The following SACM1L variants were observed in gnomAD, a reference collection of about 807,000 sequenced individuals.
SACM1L encodes the protein phosphatidylinositol-3-phosphatase SAC1.
Under a neutral mutation model 89.5 loss-of-function variants are expected in SACM1L, and 32 were observed. That is an observed-to-expected ratio of 0.36 (90% CI 0.27 to 0.48). SACM1L has a LOEUF of 0.48. Ranked by LOEUF, SACM1L falls within the 20% of genes least tolerant of loss-of-function variation. The probability of loss-of-function intolerance (pLI) is 0.99; values close to 1 mark genes in which losing one functional copy is unlikely to be tolerated. For synonymous variants in SACM1L, 213 were observed against 232.8 expected (o/e 0.92, Z 0.77); for missense variants, 543 against 708.5 (o/e 0.77, Z 2.65).
intron 6 of SACM1L, chr3:45,713,467 A>C (rs948877366): frequency 1.6e-5 from 4 of 244,126 alleles, no homozygotes; most frequent in African/African-American, 9.0e-5. Flanking sequence ...TGGTACATGG[A>C]TAATGGAGAA....
At chr3:45,715,408 A>G (rs1698627984) in intron 7 of SACM1L, among the ~76,000 whole-genome samples, 1 of 152,242 alleles carries the variant, frequency 6.6e-6, no homozygotes, top group Non-Finnish European at 1.5e-5. Flanking sequence ...AGAAAATTTC[A>G]TGATAAAAGC....
Position 45,722,887 on chromosome 3 carries a change from G to C in SACM1L, c.784G>C (p.Val262Leu). 6.2e-7 allele frequency: 1 copy of C among 1,613,072 alleles called. No individual in the cohort carries two copies. Among genetic ancestry groups the C allele is most frequent in the Non-Finnish European group, 8.5e-7 (1 of 1,179,364 alleles). The change falls in exon 10 of 20, where the codon GTT becomes CTT. Residue 262 changes from valine (V) to leucine (L), a missense_variant. Physicochemically the swap from Val to Leu is conservative, Grantham distance 32. Around this residue, in one of 2 missense-constraint regions of SACM1L, gnomAD observed 370 missense variants for 527.6 expected, o/e 0.70. Transcript: ENST00000389061. ...CTTTTAGACTCGAGGATCAATACCT[G>C]TTTTCTGGTCCCAAAGACCAAACCT... is the stretch of plus-strand genomic sequence containing the variant. ...SFVQTRGSIP[V>L]FWSQRPNLKY...
chr3:45,727,964 C>T (rs929625359), intron 11 of SACM1L, among the ~76,000 whole-genome samples: 3 of 152,184 alleles, frequency 2.0e-5, no homozygotes, highest in East Asian at 1.9e-4. Context: ...TATTTTCAGG[C>T]GGTCATGGTT....
intron 11 of SACM1L, among the ~76,000 whole-genome samples, chr3:45,725,102 T>G (rs748682486): frequency 6.6e-6 from 1 of 152,194 alleles, no homozygotes; most frequent in Non-Finnish European, 1.5e-5. Context: ...TGTAATAAGT[T>G]TTAAAATCGG....
chr3:45,721,937 G>C, intron 8 of SACM1L, 63 bp from the exon 9 acceptor site: 1 of 1,062,926 alleles, frequency 9.4e-7, no homozygotes, highest in Non-Finnish European at 1.4e-6. Flanking sequence ...CTGAATTAGT[G>C]GGTTTCTGAT....
intron 1 of SACM1L, among the ~76,000 whole-genome samples, chr3:45,693,918 C>T (rs1698062503): frequency 6.6e-6 from 1 of 152,116 alleles, no homozygotes; most frequent in Non-Finnish European, 1.5e-5. Context: ...TAATGTCAGA[C>T]AGTGATAAAT....
intron 19 of SACM1L, among the ~76,000 whole-genome samples, chr3:45,741,849 A>T (rs1195852979): frequency 1.3e-5 from 2 of 152,214 alleles, no homozygotes; most frequent in Admixed American, 6.5e-5. Flanking sequence ...CTTACAATAC[A>T]AAAACAGGTT....
At chr3:45,704,119 C>G (rs763048797) in intron 2 of SACM1L, among the ~76,000 whole-genome samples, 26 of 152,080 alleles carry the variant, frequency 1.7e-4, no homozygotes, top group Non-Finnish European at 3.7e-4. Flanking sequence ...GTGGAACACC[C>G]TGACTTTCCA....
chr3:45,726,506 TTC>T (rs1698920703), intron 11 of SACM1L, among the ~76,000 whole-genome samples: 1 of 152,142 alleles, frequency 6.6e-6, no homozygotes, highest in African/African-American at 2.4e-5. Flanking sequence ...CATACAGTTG[TTC>T]ATAGTATTCT....
At chr3:45,691,256 A>C (rs189080947) in intron 1 of SACM1L, among the ~76,000 whole-genome samples, 1 of 152,168 alleles carries the variant, frequency 6.6e-6, no homozygotes, top group South Asian at 2.1e-4. Context: ...AAAAAAGTTT[A>C]GAGTGTTTCT....
At chr3:45,699,682 T>G (rs1698221731) in intron 1 of SACM1L, among the ~76,000 whole-genome samples, 1 of 152,068 alleles carries the variant, frequency 6.6e-6, no homozygotes, top group South Asian at 2.1e-4. Flanking sequence ...CCACCACACC[T>G]GGCTAATTTT....
Position 45,719,518 on chromosome 3 carries a change from G to A in SACM1L, c.596G>A (p.Cys199Tyr), listed in dbSNP as rs374692887. 41 of 1,604,150 alleles carry A rather than the reference G, an allele frequency of 2.6e-5. No individual in the cohort carries two copies. Among genetic ancestry groups the A allele is most frequent in the Non-Finnish European group, 3.3e-5 (39 of 1,172,702 alleles). ...GGTTAAGTTATTACCATGCATTCAT[G>A]TTCTATTAATGGAAAATACTTTGAT... ...VLHGFITMHS[C>Y]SINGKYFDWI... The change falls in exon 8 of 20, where the codon TGT becomes TAT. Residue 199 changes from cysteine to tyrosine, a missense_variant. This residue lies in a region of SACM1L where 370 missense variants were observed against 527.6 expected (regional missense o/e 0.70). Transcript: ENST00000389061.
At chr3:45,692,149 C>G (rs78608871) in intron 1 of SACM1L, among the ~76,000 whole-genome samples, 4,144 of 152,214 alleles carry the variant, frequency 0.027, 84 homozygotes, top group Non-Finnish European at 0.042. Context: ...CATGGTAGAG[C>G]CAAGAGATCT....
At chr3:45,712,922 C>T (rs1347890942) in intron 5 of SACM1L, among the ~76,000 whole-genome samples, 2 of 152,078 alleles carry the variant, frequency 1.3e-5, no homozygotes, top group East Asian at 3.9e-4. Context: ...AAAGAAATAC[C>T]GTAAAACTCC....
intron 7 of SACM1L, among the ~76,000 whole-genome samples, chr3:45,715,497 C>T (rs549659454): frequency 7.6e-4 from 115 of 152,228 alleles, no homozygotes; most frequent in African/African-American, 2.5e-3. Context: ...TTTATTCAGC[C>T]GGGTGCAGTG....
At chr3:45,705,088 G>T (rs1392323203) in intron 2 of SACM1L, 47 bp from the exon 3 acceptor site, 1 of 1,234,654 alleles carries the variant, frequency 8.1e-7, no homozygotes, top group Non-Finnish European at 1.2e-6. Flanking sequence ...TGTTTCTGTT[G>T]GTGAGCTTTT....
chr3:45,711,183 A>G (rs1698519614), intron 5 of SACM1L, among the ~76,000 whole-genome samples: 1 of 152,206 alleles, frequency 6.6e-6, no homozygotes, highest in Non-Finnish European at 1.5e-5. Context: ...AACTTTACAC[A>G]GAAAGGTAAC....
chr3:45,716,149 T>A (rs58194634), intron 7 of SACM1L, among the ~76,000 whole-genome samples: 66 of 152,298 alleles, frequency 4.3e-4, no homozygotes, highest in African/African-American at 1.5e-3. Context: ...CAGGGCCTTA[T>A]AAGCCATGGG....
chr3:45,732,219 C>G (rs775482160), intron 13 of SACM1L, 68 bp downstream of exon 13: 1 of 830,234 alleles, frequency 1.2e-6, no homozygotes, highest in Non-Finnish European at 1.9e-6. Context: ...TTTTATTATG[C>G]GTCATCCAGC....
Sources: gnomAD v4.1 joint callset for allele counts (sites outside exome capture counted in the v4.1 genomes callset) on GRCh38, gnomAD v4.1.1 for gene constraint, gnomAD v4.1.1 regional missense constraint, MANE v1.5 for transcripts, NCBI Gene and HGNC (gene_info 2026-07-23, HGNC 2026-07-21) for gene names.